The following MECR variants were observed in gnomAD, a reference collection of about 807,000 sequenced individuals.
The protein encoded by MECR is mitochondrial trans-2-enoyl-CoA reductase.
Under a neutral mutation model 49.1 loss-of-function variants are expected in MECR, and 37 were observed. The observed-to-expected ratio is 0.75, with a 90% CI of 0.58 to 0.99. The LOEUF (loss-of-function observed/expected upper bound fraction) is 0.99. MECR is among the 50% of genes least tolerant of loss of function. The probability of loss-of-function intolerance (pLI) is 0.00; values close to 1 mark genes in which losing one functional copy is unlikely to be tolerated. For synonymous variants in MECR, 198 were observed against 191.1 expected, an observed-to-expected ratio of 1.04 and a Z score of -0.30; for missense variants, 470 against 479.6, an observed-to-expected ratio of 0.98 and a Z score of 0.19.
At chr1:29,218,387 C>G (rs1679981594) in intron 1 of MECR, among the ~76,000 whole-genome samples, 1 of 152,180 alleles carries the variant, frequency 6.6e-6, no homozygotes, top group African/African-American at 2.4e-5. Context: ...CTTCCCTCTG[C>G]CCAAATGCAT....
intron 3 of MECR, among the ~76,000 whole-genome samples, chr1:29,209,130 A>T (rs1677320494): frequency 6.6e-6 from 1 of 152,212 alleles, no homozygotes; most frequent in Admixed American, 6.5e-5. Flanking sequence ...ATTCTGACCC[A>T]CAGTAACCAT....
At chr1:29,222,745 G>T (rs925208468) in intron 1 of MECR, among the ~76,000 whole-genome samples, 5 of 152,174 alleles carry the variant, frequency 3.3e-5, no homozygotes, top group African/African-American at 1.2e-4. Context: ...TAGGAGATGG[G>T]AAGTTAAGTT....
chr1:29,187,576 C>T, the MECR span, among the ~76,000 whole-genome samples: 1 of 151,330 alleles, frequency 6.6e-6, no homozygotes, highest in Non-Finnish European at 1.5e-5. Context: ...ATCTCATATC[C>T]CAAGAAAACA....
intron 7 of MECR, chr1:29,200,244 C>T (rs1558426317): frequency 3.4e-6 from 1 of 297,512 alleles, no homozygotes; most frequent in South Asian, 9.9e-5. Context: ...AAATCCTTGA[C>T]TATTCCTCTA....
chr1:29,200,476 G>C (rs750956942), intron 7 of MECR, 40 bp downstream of exon 7: 2 of 1,581,784 alleles, frequency 1.3e-6, no homozygotes, highest in South Asian at 2.2e-5. Context: ...AAGACCTGGA[G>C]AGCTCTGGCG....
intron 4 of MECR, 33 bp downstream of exon 4, chr1:29,206,729 C>T (rs1322497255): frequency 2.5e-6 from 4 of 1,611,728 alleles, no homozygotes; most frequent in East Asian, 4.5e-5. Context: ...GTTGCGAGAC[C>T]CTGGCCTGCT....
intron 3 of MECR, among the ~76,000 whole-genome samples, chr1:29,207,760 A>G (rs1676977163): frequency 1.3e-5 from 2 of 152,124 alleles, no homozygotes; most frequent in Middle Eastern, 3.4e-3. Flanking sequence ...AAAAAACAAA[A>G]AACAAACCAA....
At chr1:29,198,232 C>T (rs1674475250) in intron 7 of MECR, among the ~76,000 whole-genome samples, 1 of 152,214 alleles carries the variant, frequency 6.6e-6, no homozygotes, top group Admixed American at 6.5e-5. Flanking sequence ...GACCTGGTTC[C>T]TAACAGGCCA....
At chr1:29,183,317 CTGG>C in the MECR span, among the ~76,000 whole-genome samples, 16 of 152,312 alleles carry the variant, frequency 1.1e-4, no homozygotes, top group Admixed American at 2.6e-4. Context: ...AGCCAGTGCC[CTGG>C]TGAAGGACAT....
intron 4 of MECR, among the ~76,000 whole-genome samples, chr1:29,206,491 T>A (rs1394864923): frequency 1.3e-5 from 2 of 152,192 alleles, no homozygotes; most frequent in Admixed American, 1.3e-4. Context: ...GCTCAACACA[T>A]TTTTGCTGAA....
chr1:29,206,728 C>A (rs1311191894), intron 4 of MECR, 34 bp downstream of exon 4: 3 of 1,611,814 alleles, frequency 1.9e-6, no homozygotes, highest in Non-Finnish European at 2.5e-6. Flanking sequence ...AGTTGCGAGA[C>A]CCTGGCCTGC....
intron 1 of MECR, among the ~76,000 whole-genome samples, chr1:29,227,539 G>A (rs539805776): frequency 1.6e-4 from 25 of 152,352 alleles, no homozygotes; most frequent in African/African-American, 6.0e-4. Context: ...AAACAGGGAC[G>A]TGAGAACAGG....
chr1:29,202,336 T>C (rs1414083299), intron 5 of MECR, among the ~76,000 whole-genome samples: 1 of 152,192 alleles, frequency 6.6e-6, no homozygotes, highest in Non-Finnish European at 1.5e-5. Context: ...AACTTCCTGA[T>C]TTCTTCTACT....
the MECR span, chr1:29,169,039 G>GCAGC: frequency 6.6e-6 from 1 of 152,206 alleles, no homozygotes; most frequent in African/African-American, 2.4e-5. Context: ...TTTTTAACAT[G>GCAGC]CAGCCCACTA....
intron 9 of MECR, among the ~76,000 whole-genome samples, chr1:29,194,420 G>A (rs949648224): frequency 6.6e-6 from 1 of 152,216 alleles, no homozygotes; most frequent in South Asian, 2.1e-4. Context: ...GGGGCAGACA[G>A]GCAGAGACCA....
chr1:29,201,126 C>T lies in MECR; in HGVS notation c.757-537G>A, dbSNP rs1242153074. ...GGGCCTTTTCTGTAGCAACTTAATC[C>T]TGTTGTCCATTTTAGGACCTGGCAG... is the stretch of plus-strand genomic sequence containing the variant. On this transcript the variant is annotated intron_variant, in intron 6 of 9. Coordinates refer to ENST00000263702, the MANE Select transcript of MECR (RefSeq NM_016011.5). The surrounding 1 kb of genome is among the most constrained non-coding windows in gnomAD (Gnocchi z 4.3). Among the ~76,000 whole-genome samples, 1 of 152,156 alleles carries T rather than the reference C, an allele frequency of 6.6e-6. No individual in the cohort carries two copies. Among genetic ancestry groups the T allele is most frequent in the Non-Finnish European group, 1.5e-5 (1 of 68,032 alleles).
the MECR span, among the ~76,000 whole-genome samples, chr1:29,179,527 T>C: frequency 6.6e-6 from 1 of 152,078 alleles, no homozygotes; most frequent in African/African-American, 2.4e-5. Context: ...GCGTGGCTAA[T>C]TAAAAAAATT....
chr1:29,174,488 A>G, the MECR span, among the ~76,000 whole-genome samples: 1 of 152,154 alleles, frequency 6.6e-6, no homozygotes, highest in Non-Finnish European at 1.5e-5. Flanking sequence ...TAACATATGT[A>G]TGTTGGAGTA....
At chr1:29,198,912 C>T (rs887491747) in intron 7 of MECR, among the ~76,000 whole-genome samples, 16 of 152,164 alleles carry the variant, frequency 1.1e-4, no homozygotes, top group African/African-American at 3.6e-4. Context: ...CCACTGCGCC[C>T]GGCCTGGGCC....
Sources: gnomAD v4.1 joint callset for allele counts (sites outside exome capture counted in the v4.1 genomes callset) on GRCh38, gnomAD v4.1.1 for gene constraint, Gnocchi (gnomAD v3.1) non-coding constraint, MANE v1.5 for transcripts, NCBI Gene and HGNC (gene_info 2026-07-23, HGNC 2026-07-21) for gene names.